Variants in CELF2 observed in about 807,000 individuals in gnomAD.
CELF2 encodes CUGBP Elav-like family member 2.
A neutral mutation model predicts 62.6 loss-of-function variants in CELF2; 8 were observed. That is an observed-to-expected ratio of 0.13 (90% confidence interval 0.07 to 0.23). The LOEUF is 0.23. Among genes scored for constraint, CELF2 ranks in the 10% least tolerant of loss-of-function variants. The pLI, the probability that CELF2 is intolerant of heterozygous loss-of-function variation, is 1.00. For missense variants in CELF2, 333 were observed against 671.0 expected (o/e 0.50, Z 5.56); for synonymous variants, 258 against 250.0 (o/e 1.03, Z -0.30).
At chr10:10,756,901 TG>T in the CELF2 span, among the ~76,000 whole-genome samples, 5 of 152,216 alleles carry the variant, frequency 3.3e-5, no homozygotes, top group African/African-American at 4.8e-5. Flanking sequence ...CTCAGCACTT[TG>T]GGAGGCCAAG....
At chr10:10,491,936 T>C in the CELF2 span, among the ~76,000 whole-genome samples, 1 of 152,134 alleles carries the variant, frequency 6.6e-6, no homozygotes, top group Non-Finnish European at 1.5e-5. Context: ...CCAGGTCTTT[T>C]TTCCTTTCTT....
intron 2 of CELF2, among the ~76,000 whole-genome samples, chr10:11,180,334 G>A (rs529294174): frequency 3.9e-5 from 6 of 152,240 alleles, no homozygotes; most frequent in Non-Finnish European, 5.9e-5. Context: ...GTGCCTCTCC[G>A]GATCCCTCCT....
chr10:11,248,287 G>A (rs901541571), intron 3 of CELF2, among the ~76,000 whole-genome samples: 10 of 152,116 alleles, frequency 6.6e-5, no homozygotes, highest in East Asian at 1.9e-4. Flanking sequence ...ACCAGGCACC[G>A]GGTGTGATGG....
At chr10:10,908,068 T>G (rs967903414) in intron 1 of CELF2, among the ~76,000 whole-genome samples, 1 of 152,268 alleles carries the variant, frequency 6.6e-6, no homozygotes, top group African/African-American at 2.4e-5. Context: ...CTGCCCATAC[T>G]GATGCCGCCC....
In CELF2 at chr10:11,039,790, A is replaced by G. The variant is rs776835087; in HGVS notation, c.74+21627A>G. ...TACGTCTTACATTTTTGTAAATTCC[A>G]TTGCCACTGGAGGAAACCATGGACC... On this transcript the variant is annotated intron_variant, in intron 1 of 12. Transcript: ENST00000633077. This position sits in a 1 kb window ranked among gnomAD's most constrained non-coding sequence, Gnocchi z 4.1. Among the ~76,000 whole-genome samples, 11 of 152,182 alleles carry G rather than the reference A, an allele frequency of 7.2e-5. No homozygotes were observed. The highest frequency in any genetic ancestry group is 1.5e-4 in the Non-Finnish European group (10 of 68,026).
intron 1 of CELF2, among the ~76,000 whole-genome samples, chr10:10,890,750 C>T (rs552827289): frequency 1.3e-5 from 2 of 152,324 alleles, no homozygotes; most frequent in South Asian, 4.2e-4. Context: ...CGCTGTGGCT[C>T]ATGCCTGTAA....
At chr10:11,087,021 G>A (rs891649328) in intron 1 of CELF2, among the ~76,000 whole-genome samples, 3 of 152,106 alleles carry the variant, frequency 2.0e-5, no homozygotes, top group Non-Finnish European at 4.4e-5. Flanking sequence ...GGGTTTGAGA[G>A]ACTTAGGGCC....
At chr10:10,946,898 C>T (rs2047744885) in intron 2 of CELF2, 2 of 152,210 alleles carry the variant, frequency 1.3e-5, no homozygotes, top group African/African-American at 2.4e-5. Flanking sequence ...TGTCTGTTTC[C>T]ATTTTAACAG....
At chr10:11,320,263 G>C (rs529587678) in intron 10 of CELF2, among the ~76,000 whole-genome samples, 11 of 152,270 alleles carry the variant, frequency 7.2e-5, no homozygotes, top group South Asian at 6.2e-4. Context: ...GAGCAGTCAG[G>C]ATACAAGGGG....
At chr10:10,848,116 C>T (rs2059132098) in intron 1 of CELF2, among the ~76,000 whole-genome samples, 1 of 152,178 alleles carries the variant, frequency 6.6e-6, no homozygotes. Flanking sequence ...TCAGTTCAGA[C>T]TAAATCCTCT....
chr10:10,792,577 A>G, the CELF2 span: 3 of 396,056 alleles, frequency 7.6e-6, no homozygotes, highest in East Asian at 1.1e-4. Context: ...CATTCAAAGA[A>G]AAACAAAACC....
At chr10:10,613,793 A>C in the CELF2 span, among the ~76,000 whole-genome samples, 1 of 152,180 alleles carries the variant, frequency 6.6e-6, no homozygotes, top group African/African-American at 2.4e-5. Context: ...AATGTAACAC[A>C]GGGGTATGAT....
rs370007773 is a variant in CELF2 at position 11,139,886 on chromosome 10, C to A, written c.75-25600C>A. On this transcript the variant is annotated intron_variant, in intron 1 of 12. Transcript: ENST00000633077. ...CAAACACCCCCTCAGGTCATCTCAA[C>A]AAACCTCTCAATTCTGCCTCTCTCA... Among the ~76,000 whole-genome samples, 19 of 151,466 alleles carry A rather than the reference C, an allele frequency of 1.3e-4. 1 individual carries two copies. In the East Asian group the frequency reaches 2.5e-3, roughly 20 times the overall value.
the CELF2 span, among the ~76,000 whole-genome samples, chr10:10,556,984 G>T: frequency 6.8e-6 from 1 of 146,212 alleles, no homozygotes; most frequent in Non-Finnish European, 1.5e-5. Flanking sequence ...TTTGTAGGTT[G>T]CCTGTTCACT....
At chr10:10,852,244 A>G (rs2132831618) in intron 1 of CELF2, among the ~76,000 whole-genome samples, 1 of 152,350 alleles carries the variant, frequency 6.6e-6, no homozygotes, top group East Asian at 1.9e-4. Context: ...CATCCATACA[A>G]TGGACAACTA....
the CELF2 span, among the ~76,000 whole-genome samples, chr10:10,704,694 G>T: frequency 3.3e-5 from 5 of 152,094 alleles, no homozygotes; most frequent in African/African-American, 1.2e-4. Flanking sequence ...CAGGCACACT[G>T]CTTCCTCCCT....
At chr10:10,582,324 A>C in the CELF2 span, among the ~76,000 whole-genome samples, 1 of 152,206 alleles carries the variant, frequency 6.6e-6, no homozygotes, top group African/African-American at 2.4e-5. Flanking sequence ...CCATTGTTAC[A>C]TACCTTTTGG....
At chr10:10,741,550 T>C in the CELF2 span, among the ~76,000 whole-genome samples, 1,817 of 151,252 alleles carry the variant, frequency 0.012, 41 homozygotes, top group African/African-American at 0.042. Flanking sequence ...ACTCATCGGT[T>C]GTTTTGTAGT....
chr10:11,306,604 A>G lies in CELF2; in HGVS notation c.977-7535A>G, dbSNP rs1376968707. Among the ~76,000 whole-genome samples, 1 of 152,212 alleles carries G rather than the reference A, an allele frequency of 6.6e-6. No homozygotes were observed. Among genetic ancestry groups the G allele is most frequent in the Non-Finnish European group, 1.5e-5 (1 of 68,038 alleles). On this transcript the variant is annotated intron_variant, in intron 9 of 12. Transcript: ENST00000633077. This position sits in a 1 kb window ranked among gnomAD's most constrained non-coding sequence, Gnocchi z 4.4. ...TAAAGGTGGCTAAATGTACAATAAA[A>G]CTACCCTCTTACAACTGAGATGCCA...
Sources: allele counts gnomAD v4.1 joint callset (sites outside exome capture counted in the v4.1 genomes callset), GRCh38; gene constraint gnomAD v4.1.1; non-coding constraint Gnocchi (gnomAD v3.1); transcripts MANE v1.5; gene names NCBI Gene and HGNC (gene_info 2026-07-23, HGNC 2026-07-21).